The following INPP5A variants were observed in gnomAD, a reference collection of about 807,000 sequenced individuals.
The protein encoded by INPP5A is 43 kDa inositol polyphosphate 5-phophatase.
In INPP5A, 14 loss-of-function variants were observed where a neutral mutation model predicts 65.2. The ratio of observed to expected loss-of-function variants is 0.21; its 90% confidence interval spans 0.14 to 0.34. The LOEUF is 0.34. Ranked by LOEUF, INPP5A falls within the 10% of genes least tolerant of loss-of-function variation. The pLI, the probability that INPP5A is intolerant of heterozygous loss-of-function variation, is 1.00. For synonymous variants in INPP5A, 207 were observed against 208.3 expected (o/e 0.99, Z 0.05); for missense variants, 431 against 545.6 (o/e 0.79, Z 2.09).
intron 1 of INPP5A, among the ~76,000 whole-genome samples, chr10:132,606,097 G>A (rs780460996): frequency 8.5e-5 from 13 of 152,048 alleles, no homozygotes; most frequent in South Asian, 4.2e-4. Context: ...ACATTTGTGC[G>A]TTTGGTGTTT....
At chr10:132,569,958 G>GT (rs1445848149) in intron 1 of INPP5A, among the ~76,000 whole-genome samples, 16 of 138,256 alleles carry the variant, frequency 1.2e-4, no homozygotes, top group Middle Eastern at 5.2e-3. Flanking sequence ...GGCCCCCACT[G>GT]TTTTTTTTAA....
intron 9 of INPP5A, among the ~76,000 whole-genome samples, chr10:132,740,024 G>C (rs2134616012): frequency 6.6e-6 from 1 of 152,334 alleles, no homozygotes; most frequent in East Asian, 1.9e-4. Context: ...GACAGGACTT[G>C]CACGTTGGGG....
chr10:132,612,679 C>T (rs901713747), intron 2 of INPP5A, among the ~76,000 whole-genome samples: 1 of 152,190 alleles, frequency 6.6e-6, no homozygotes, highest in Non-Finnish European at 1.5e-5. Flanking sequence ...CTTGCCTGGC[C>T]GTGTGCGTGG....
intron 9 of INPP5A, among the ~76,000 whole-genome samples, chr10:132,733,293 G>A (rs1004662176): frequency 2.0e-4 from 30 of 152,304 alleles, no homozygotes; most frequent in Non-Finnish European, 2.1e-4. Context: ...GGGGCACACC[G>A]TACAGCCCAG....
intron 1 of INPP5A, among the ~76,000 whole-genome samples, chr10:132,596,765 A>G (rs1005894560): frequency 3.3e-5 from 5 of 151,868 alleles, no homozygotes; most frequent in African/African-American, 9.7e-5. Context: ...GTGTGTATGC[A>G]TGCATGTGTG....
chr10:132,759,761 C>CA (rs1846697406), intron 11 of INPP5A, among the ~76,000 whole-genome samples: 2 of 152,116 alleles, frequency 1.3e-5, no homozygotes, highest in African/African-American at 4.8e-5. Context: ...CCTCACCCTG[C>CA]AGGAGCCCCG....
At chr10:132,719,176 G>C (rs188665246) in intron 8 of INPP5A, among the ~76,000 whole-genome samples, 1 of 148,656 alleles carries the variant, frequency 6.7e-6, no homozygotes, top group African/African-American at 2.5e-5. Context: ...GCTGTCTTGC[G>C]GGTTCTGTGG....
chr10:132,619,110 A>T (rs181471839), intron 2 of INPP5A, among the ~76,000 whole-genome samples: 2 of 152,194 alleles, frequency 1.3e-5, no homozygotes, highest in East Asian at 3.9e-4. Context: ...CAGAAGTCCC[A>T]TGTCTGATGA....
chr10:132,774,194 CTGGTGTGTTTGGA>C (rs1250204320), intron 12 of INPP5A, among the ~76,000 whole-genome samples: 2 of 152,188 alleles, frequency 1.3e-5, no homozygotes, highest in Non-Finnish European at 2.9e-5. Flanking sequence ...CCAGTGGCAG[CTGGTGTGTTTGGA>C]AGCGGGTGTC....
rs528816737 is a variant in INPP5A, at chr10:132,575,958, C to T, written c.76-31957C>T. On this transcript the variant is annotated intron_variant, in intron 1 of 15. Coordinates refer to ENST00000368594, the MANE Select transcript of INPP5A (RefSeq NM_005539.5). The surrounding 1 kb of genome is among the most constrained non-coding windows in gnomAD (Gnocchi z 5.4). ...GTGGCTCCCCTCTCCTCCTGAACCA[C>T]GAGTACTTTCTGGGGAAATGATTTC... Among the ~76,000 whole-genome samples the T allele has an allele frequency of 2.0e-4, 31 of 152,292 alleles. No individual in the cohort carries two copies. In the South Asian group the frequency reaches 6.2e-3, roughly 31 times the overall value.
At chr10:132,621,045 A>G (rs1017953496) in intron 2 of INPP5A, among the ~76,000 whole-genome samples, 3 of 152,270 alleles carry the variant, frequency 2.0e-5, no homozygotes, top group Admixed American at 1.3e-4. Flanking sequence ...GTAGATGCAG[A>G]AAACGCATTT....
intron 2 of INPP5A, among the ~76,000 whole-genome samples, chr10:132,628,991 CT>C (rs1293095136): frequency 7.2e-5 from 11 of 152,234 alleles, no homozygotes; most frequent in Middle Eastern, 3.4e-3. Flanking sequence ...TTTGTGTGGC[CT>C]TCAGAACCGG....
chr10:132,731,585 G>A (rs2134595241), intron 9 of INPP5A, among the ~76,000 whole-genome samples: 1 of 152,344 alleles, frequency 6.6e-6, no homozygotes, highest in African/African-American at 2.4e-5. Flanking sequence ...GGTGCCGTTT[G>A]TTGGTGTCAG....
chr10:132,592,059 A>G (rs1026682677), intron 1 of INPP5A, among the ~76,000 whole-genome samples: 1 of 152,230 alleles, frequency 6.6e-6, no homozygotes, highest in African/African-American at 2.4e-5. Flanking sequence ...TGAAAAGACA[A>G]AGCGTTTCAC....
At chr10:132,584,507 A>G (rs538023270) in intron 1 of INPP5A, among the ~76,000 whole-genome samples, 12 of 152,352 alleles carry the variant, frequency 7.9e-5, no homozygotes, top group African/African-American at 2.9e-4. Flanking sequence ...AAACTTAAAA[A>G]TTATTTAAAT....
chr10:132,707,352 C>T lies in INPP5A; in HGVS notation c.475-961C>T, dbSNP rs1022297472. Among the ~76,000 whole-genome samples, 12 of 134,880 alleles carry T rather than the reference C, an allele frequency of 8.9e-5. No homozygotes were observed. Among genetic ancestry groups the T allele is most frequent in the Non-Finnish European group, 8.3e-5 (5 of 60,300 alleles). 88.5% of individuals were successfully genotyped at this position (134,880 alleles called of 152,430 possible). A position where few individuals can be genotyped will look rare whatever the true frequency, so the allele number is the denominator to read the frequency against. The stretch of plus-strand genomic sequence containing the variant: ...GCCGTTCCCCCGCCACTGCCTGAAG[C>T]GCTTTGCTTTGTGGACCTTGGACTT... On this transcript the variant is annotated intron_variant, in intron 6 of 15. Transcript: ENST00000368594. The surrounding 1 kb of genome is among the most constrained non-coding windows in gnomAD (Gnocchi z 5.5).
intron 11 of INPP5A, among the ~76,000 whole-genome samples, chr10:132,765,481 G>A (rs1464735377): frequency 1.6e-4 from 24 of 152,202 alleles, no homozygotes; most frequent in Non-Finnish European, 2.2e-4. Flanking sequence ...TACTGGGGCT[G>A]CCACGGCAGT....
rs1282063828 is a variant in INPP5A, at chr10:132,727,836, GGTGAGTTGGATGGGGACACA to G, written c.732+946_732+965del. Among the ~76,000 whole-genome samples the G allele has an allele frequency of 1.3e-5, 2 of 152,148 alleles. No homozygotes were observed. The highest frequency in any genetic ancestry group is 4.8e-5 in the African/African-American group (2 of 41,428). On this transcript the variant is annotated intron_variant, in intron 9 of 15. Transcript: ENST00000368594. This position sits in a 1 kb window ranked among gnomAD's most constrained non-coding sequence, Gnocchi z 6.5. ...GACACGGTGAGTCAGATGGGGACATGGTGAGTTGGATGGGGACACAGTGAGTTGGATGGGAACACGGTGAG... is the reference window on the plus strand; with the variant it reads ...GACACGGTGAGTCAGATGGGGACATGGTGAGTTGGATGGGAACACGGTGAG...
At chr10:132,755,612 GTGGGT>G (rs1257757902) in intron 11 of INPP5A, among the ~76,000 whole-genome samples, 3 of 151,138 alleles carry the variant, frequency 2.0e-5, no homozygotes, top group East Asian at 3.9e-4. Flanking sequence ...ATATGAGTGA[GTGGGT>G]GTGTGTGTGT....
Sources: gnomAD v4.1 joint callset for allele counts (sites outside exome capture counted in the v4.1 genomes callset) on GRCh38, gnomAD v4.1.1 for gene constraint, Gnocchi (gnomAD v3.1) non-coding constraint, MANE v1.5 for transcripts, NCBI Gene and HGNC (gene_info 2026-07-23, HGNC 2026-07-21) for gene names.